Variants in ERC2 observed in about 807,000 individuals in gnomAD.
The protein encoded by ERC2 is ELKS/RAB6-interacting/CAST family member 2, also known as ERC protein 2.
Under a neutral mutation model 114.8 loss-of-function variants are expected in ERC2, and 42 were observed. That is an observed-to-expected ratio of 0.37 (90% CI 0.29 to 0.47). The LOEUF (loss-of-function observed/expected upper bound fraction) is 0.47. Ranked by LOEUF, ERC2 falls within the 20% of genes least tolerant of loss-of-function variation. The probability of loss-of-function intolerance (pLI) is 0.99; values close to 1 mark genes in which losing one functional copy is unlikely to be tolerated. For synonymous variants in ERC2, 454 were observed against 425.5 expected, an observed-to-expected ratio of 1.07 and a Z score of -0.82; for missense variants, 939 against 1,150.7, an observed-to-expected ratio of 0.82 and a Z score of 2.66.
intron 15 of ERC2, among the ~76,000 whole-genome samples, chr3:55,710,557 G>C (rs944431105): frequency 7.9e-5 from 12 of 151,846 alleles, no homozygotes; most frequent in African/African-American, 2.9e-4. Context: ...CTTTCTCTTA[G>C]TCACCTATTT....
At chr3:56,051,075 C>A (rs2075740080) in intron 7 of ERC2, among the ~76,000 whole-genome samples, 7 of 152,132 alleles carry the variant, frequency 4.6e-5, no homozygotes, top group Admixed American at 4.6e-4. Flanking sequence ...TACTTTCTAC[C>A]CAACAGAAGA....
chr3:55,692,978 T>C (rs1343761861), intron 16 of ERC2, among the ~76,000 whole-genome samples: 1 of 152,174 alleles, frequency 6.6e-6, no homozygotes, highest in Non-Finnish European at 1.5e-5. Flanking sequence ...CCAAGTAGAA[T>C]TCTATGGGAA....
intron 2 of ERC2, among the ~76,000 whole-genome samples, chr3:56,403,995 C>A (rs1322669707): frequency 6.6e-6 from 1 of 152,220 alleles, no homozygotes; most frequent in African/African-American, 2.4e-5. Context: ...TCGGCCACAT[C>A]GCACCAGAGG....
intron 2 of ERC2, among the ~76,000 whole-genome samples, chr3:56,389,592 G>A (rs975229405): frequency 9.8e-5 from 15 of 152,294 alleles, no homozygotes; most frequent in African/African-American, 3.1e-4. Flanking sequence ...AACCAGGGAG[G>A]AGACCAGACA....
intron 3 of ERC2, among the ~76,000 whole-genome samples, chr3:56,236,414 G>A (rs1020206492): frequency 1.3e-5 from 2 of 152,122 alleles, no homozygotes; most frequent in Admixed American, 1.3e-4. Context: ...CTGCTGAGCA[G>A]GCCATTTCCC....
chr3:56,133,674 C>T (rs2080336607), intron 6 of ERC2, among the ~76,000 whole-genome samples: 1 of 152,144 alleles, frequency 6.6e-6, no homozygotes, highest in Non-Finnish European at 1.5e-5. Flanking sequence ...ACCAACTTCA[C>T]AAGTGGTGAG....
chr3:55,856,118 G>A (rs1472338608), intron 14 of ERC2, among the ~76,000 whole-genome samples: 1 of 152,152 alleles, frequency 6.6e-6, no homozygotes, highest in Non-Finnish European at 1.5e-5. Context: ...AGACAGAACG[G>A]ATTCTCTTGA....
At chr3:55,579,907 G>A (rs1234289839) in intron 17 of ERC2, among the ~76,000 whole-genome samples, 1 of 152,072 alleles carries the variant, frequency 6.6e-6, no homozygotes, top group African/African-American at 2.4e-5. Context: ...TAGGAAATCA[G>A]AATGTCTTTT....
intron 14 of ERC2, among the ~76,000 whole-genome samples, chr3:55,739,164 G>A (rs1350430393): frequency 1.3e-5 from 2 of 152,126 alleles, no homozygotes; most frequent in Non-Finnish European, 2.9e-5. Flanking sequence ...TATCATTGAT[G>A]GGCATTTGGG....
chr3:55,626,765 G>T (rs1242759367), intron 17 of ERC2, among the ~76,000 whole-genome samples: 1 of 152,212 alleles, frequency 6.6e-6, no homozygotes, highest in Non-Finnish European at 1.5e-5. Context: ...CTCACAACTT[G>T]TCATCTGTGT....
At chr3:56,128,430 A>G (rs2080013283) in intron 6 of ERC2, among the ~76,000 whole-genome samples, 1 of 152,224 alleles carries the variant, frequency 6.6e-6, no homozygotes, top group Non-Finnish European at 1.5e-5. Flanking sequence ...AGCTTATCAA[A>G]ATGATCACCT....
intron 3 of ERC2, among the ~76,000 whole-genome samples, chr3:56,186,646 C>G (rs2083638717): frequency 6.6e-6 from 1 of 152,150 alleles, no homozygotes; most frequent in African/African-American, 2.4e-5. Flanking sequence ...TCAGGTGATT[C>G]TCCTGCCTCA....
chr3:56,103,037 T>C (rs1255509198), intron 6 of ERC2, among the ~76,000 whole-genome samples: 1 of 152,010 alleles, frequency 6.6e-6, no homozygotes, highest in African/African-American at 2.4e-5. Flanking sequence ...CCAATAAATG[T>C]TGGTTACCTG....
At chr3:55,598,963 G>T (rs1449500659) in intron 17 of ERC2, among the ~76,000 whole-genome samples, 1 of 152,220 alleles carries the variant, frequency 6.6e-6, no homozygotes, top group East Asian at 1.9e-4. Flanking sequence ...GAGCCATCAG[G>T]CAGTACAGAT....
At chr3:55,829,047 A>G (rs527901164) in intron 14 of ERC2, among the ~76,000 whole-genome samples, 7 of 152,260 alleles carry the variant, frequency 4.6e-5, no homozygotes, top group African/African-American at 1.7e-4. Context: ...GGGAGGATCG[A>G]TTGAGCCCAG....
intron 10 of ERC2, among the ~76,000 whole-genome samples, chr3:56,006,160 T>C (rs757986007): frequency 6.6e-6 from 1 of 152,072 alleles, no homozygotes; most frequent in Non-Finnish European, 1.5e-5. Context: ...AAATTTCTCA[T>C]GACAATTTCC....
chr3:56,010,195 C>A (rs916102958), intron 9 of ERC2, among the ~76,000 whole-genome samples: 8 of 151,462 alleles, frequency 5.3e-5, no homozygotes, highest in Non-Finnish European at 2.9e-5. Flanking sequence ...TGTGGTAAGA[C>A]ATAAAGAAAA....
chr3:56,369,240 A>C (rs2059269472), intron 2 of ERC2, among the ~76,000 whole-genome samples: 1 of 152,096 alleles, frequency 6.6e-6, no homozygotes, highest in Non-Finnish European at 1.5e-5. Context: ...GAAAATACTC[A>C]TTCTTAGATT....
At chr3:56,439,276 C>T (rs2062176376) in intron 1 of ERC2, among the ~76,000 whole-genome samples, 1 of 152,112 alleles carries the variant, frequency 6.6e-6, no homozygotes, top group Non-Finnish European at 1.5e-5. Flanking sequence ...AAGACTCTGT[C>T]TCTAAAAAAA....
Sources: gnomAD v4.1 joint callset for allele counts (sites outside exome capture counted in the v4.1 genomes callset) on GRCh38, gnomAD v4.1.1 for gene constraint, MANE v1.5 for transcripts, NCBI Gene and HGNC (gene_info 2026-07-23, HGNC 2026-07-21) for gene names.